The following TRMT9B variants were observed in gnomAD, a reference collection of about 807,000 sequenced individuals.
TRMT9B encodes probable tRNA methyltransferase 9B.
TRMT9B carries 16 observed loss-of-function variants against 11.5 expected under a neutral mutation model. The observed-to-expected ratio is 1.39, with a 90% CI of 0.94 to 2.11. The LOEUF (loss-of-function observed/expected upper bound fraction) is 2.11, where lower values mean the gene tolerates loss of function less well. Among genes scored for constraint, TRMT9B ranks in the 30% most tolerant of loss-of-function variants. The probability of loss-of-function intolerance (pLI) is 0.00; values close to 1 mark genes in which losing one functional copy is unlikely to be tolerated. For synonymous variants in TRMT9B, 274 were observed against 192.4 expected (o/e 1.42, Z -3.51); for missense variants, 941 against 553.8 (o/e 1.70, Z -7.02).
chr8:12,999,721 A>T (rs1809050726), intron 2 of TRMT9B, among the ~76,000 whole-genome samples: 1 of 152,192 alleles, frequency 6.6e-6, no homozygotes, highest in Non-Finnish European at 1.5e-5. Context: ...TTAAGCCATT[A>T]TAATACTTTA....
rs546917409 is a variant in TRMT9B at position 12,976,403 on chromosome 8, T to A, written c.-199-14431T>A. ...TTTCACTATAAAGTGAATTTCTTGG[T>A]CAGCAGCAACGTTGTGTGAGATACT... On this transcript the variant is annotated intron_variant, in intron 1 of 4. Coordinates refer to ENST00000524591, the MANE Select transcript of TRMT9B (RefSeq NM_020844.3). Among the ~76,000 whole-genome samples the A allele has an allele frequency of 6.6e-5, 10 of 151,640 alleles. No individual in the cohort carries two copies. In the South Asian group the frequency reaches 2.1e-3, roughly 32 times the overall value.
chr8:12,987,726 C>T (rs911091711), intron 1 of TRMT9B, among the ~76,000 whole-genome samples: 1 of 152,030 alleles, frequency 6.6e-6, no homozygotes, highest in Non-Finnish European at 1.5e-5. Context: ...AACTAACCTA[C>T]AGAACATCAT....
chr8:12,987,252 A>AACTT (rs1806474818), intron 1 of TRMT9B, among the ~76,000 whole-genome samples: 4 of 152,154 alleles, frequency 2.6e-5, no homozygotes, highest in Admixed American at 2.0e-4. Context: ...TAGTTCCTAT[A>AACTT]TTATATAGTT....
At chr8:13,017,901 G>A (rs1279264604) in intron 4 of TRMT9B, among the ~76,000 whole-genome samples, 1 of 151,732 alleles carries the variant, frequency 6.6e-6, no homozygotes. Flanking sequence ...TGGAATTACA[G>A]GTGTGAGGCA....
chr8:12,971,453 G>T (rs1049251561), intron 1 of TRMT9B, among the ~76,000 whole-genome samples: 1 of 152,092 alleles, frequency 6.6e-6, no homozygotes, highest in African/African-American at 2.4e-5. Context: ...AGTTTTCTTT[G>T]TGAGGTTTAA....
chr8:12,952,117 C>A (rs763562103), intron 1 of TRMT9B: 2 of 442,488 alleles, frequency 4.5e-6, no homozygotes, highest in Non-Finnish European at 9.1e-6. Context: ...GCAAAAGCAG[C>A]TTTTGCCCCT....
chr8:12,978,512 G>C (rs564268579), intron 1 of TRMT9B, among the ~76,000 whole-genome samples: 146 of 11,858 alleles, frequency 0.012, no homozygotes, highest in African/African-American at 0.042. Context: ...ACAGATGATA[G>C]ATAGATGATA....
In TRMT9B at chr8:13,006,312, A is replaced by G. The variant is rs2128890382; in HGVS notation, c.110A>G (p.Gln37Arg). Reference sequence around the variant, plus strand: ...AGCAAAGCCTGGCCTCGTGTCCGCCAGTTCCTGCAAGAGCAGAAGCCAGGC... The same window carrying G: ...AGCAAAGCCTGGCCTCGTGTCCGCCGGTTCCTGCAAGAGCAGAAGCCAGGC... ...LQSKAWPRVR[Q>R]FLQEQKPGSL... is the part of the protein sequence containing the mutation. The change falls in exon 3 of 5, where the codon CAG (glutamine) becomes CGG (arginine). Residue 37 changes from glutamine (Q) to arginine (R), a missense_variant. Gln to Arg is a conservative substitution (Grantham distance 43). Transcript: ENST00000524591. The G allele has an allele frequency of 6.2e-7, 1 of 1,613,664 alleles. No homozygotes were observed. Among genetic ancestry groups the G allele is most frequent in the Non-Finnish European group, 8.5e-7 (1 of 1,179,886 alleles).
In TRMT9B at chr8:13,027,909, G is replaced by A. The variant is rs1294042895; in HGVS notation, c.*5865G>A. ...ATTTTGATTATTTAATGATTGTTTT[G>A]ATAGTATAAACTCCATATCTGCAAC... On this transcript the variant is annotated 3_prime_UTR_variant, in exon 5 of 5. Coordinates refer to ENST00000524591, the MANE Select transcript of TRMT9B (RefSeq NM_020844.3). 6.0e-6 allele frequency: 1 copy of A among 167,020 alleles called. No individual in the cohort carries two copies. The highest frequency in any genetic ancestry group is 1.5e-5 in the Non-Finnish European group (1 of 68,122). The allele number at this position is 167,020 out of a possible 1,614,324, so 10.3% of individuals were successfully genotyped here.
At position 13,022,066 on chromosome 8, in the gene TRMT9B, C is replaced by T. The variant is rs1225798217; in HGVS notation, c.*22C>T. The T allele has an allele frequency of 5.4e-6, 8 of 1,486,440 alleles. No individual in the cohort carries two copies. Among genetic ancestry groups the T allele is most frequent in the South Asian group, 1.3e-5 (1 of 74,162 alleles). The allele number at this position is 1,486,440 out of a possible 1,614,324, so 92.1% of individuals were successfully genotyped here. On this transcript the variant is annotated 3_prime_UTR_variant, in exon 5 of 5. Coordinates refer to ENST00000524591, the MANE Select transcript of TRMT9B (RefSeq NM_020844.3). ...TTGATTGGATCCTTTTAGACAACTCCTCCAAAAGATGAACCACATTCTTTC... is the reference window on the plus strand; with the variant it reads ...TTGATTGGATCCTTTTAGACAACTCTTCCAAAAGATGAACCACATTCTTTC...
At chr8:12,976,161 G>A (rs1165185054) in intron 1 of TRMT9B, among the ~76,000 whole-genome samples, 1 of 152,186 alleles carries the variant, frequency 6.6e-6, no homozygotes, top group Non-Finnish European at 1.5e-5. Flanking sequence ...CAGTGCCACT[G>A]CTGAGCTCCT....
At chr8:13,014,609 G>T (rs1351911466) in intron 4 of TRMT9B, among the ~76,000 whole-genome samples, 2 of 152,072 alleles carry the variant, frequency 1.3e-5, no homozygotes, top group African/African-American at 4.8e-5. Flanking sequence ...CTTCATACTG[G>T]GGGTTAGGGC....
intron 1 of TRMT9B, among the ~76,000 whole-genome samples, chr8:12,946,956 C>T (rs567770365): frequency 1.3e-5 from 2 of 152,194 alleles, no homozygotes; most frequent in East Asian, 1.9e-4. Context: ...CAGCTACACA[C>T]TTTCTAGCAG....
At chr8:12,980,755 G>A (rs1309758704) in intron 1 of TRMT9B, among the ~76,000 whole-genome samples, 2 of 152,150 alleles carry the variant, frequency 1.3e-5, no homozygotes, top group Non-Finnish European at 2.9e-5. Flanking sequence ...GGTGTGTTAG[G>A]TGGTGTAGAG....
intron 1 of TRMT9B, among the ~76,000 whole-genome samples, chr8:12,988,992 T>A (rs1291652541): frequency 2.0e-5 from 3 of 152,202 alleles, no homozygotes; most frequent in African/African-American, 7.2e-5. Context: ...AGCTCTTTTA[T>A]CTGTATCCCT....
In TRMT9B at chr8:13,021,373, G is replaced by T. The variant is rs370869117; in HGVS notation, c.694G>T (p.Glu232Ter). 3.7e-6 allele frequency: 6 copies of T among 1,613,938 alleles called. No homozygotes were observed. The highest frequency in any genetic ancestry group is 5.1e-6 in the Non-Finnish European group (6 of 1,179,908). The part of the protein sequence containing the change: ...ARTCFANISK[E>*]GEEEYGFYST... The stretch of plus-strand genomic sequence containing the variant: ...AACCTGTTTTGCAAATATTTCTAAG[G>T]AAGGCGAGGAAGAATATGGATTTTA... The change falls in exon 5 of 5, where the codon GAA becomes TAA. Residue 232 changes from glutamate (E) to a stop codon, truncating the protein, a stop_gained. Coordinates refer to ENST00000524591, the MANE Select transcript of TRMT9B (RefSeq NM_020844.3). LOFTEE classifies it low-confidence loss of function (END_TRUNC).
At chr8:12,962,318 G>A (rs1802232715) in intron 1 of TRMT9B, 1 of 152,190 alleles carries the variant, frequency 6.6e-6, no homozygotes, top group Admixed American at 6.5e-5. Flanking sequence ...AGAATGTTGA[G>A]TTAGATAATT....
At chr8:12,991,254 A>C (rs1807278022) in intron 2 of TRMT9B, among the ~76,000 whole-genome samples, 1 of 152,224 alleles carries the variant, frequency 6.6e-6, no homozygotes, top group Non-Finnish European at 1.5e-5. Context: ...CATTTTTAGA[A>C]AGCAAAATAC....
intron 1 of TRMT9B, among the ~76,000 whole-genome samples, chr8:12,980,529 G>C (rs1444077185): frequency 6.6e-6 from 1 of 152,118 alleles, no homozygotes; most frequent in Non-Finnish European, 1.5e-5. Flanking sequence ...TATGGTGAGA[G>C]GCAAGGTTCT....
Sources: gnomAD v4.1 joint callset for allele counts (sites outside exome capture counted in the v4.1 genomes callset) on GRCh38, gnomAD v4.1.1 for gene constraint, MANE v1.5 for transcripts, NCBI Gene and HGNC (gene_info 2026-07-23, HGNC 2026-07-21) for gene names.